GALNTL6: variants seen among roughly 807,000 people sequenced by gnomAD.
GALNTL6 encodes polypeptide N-acetylgalactosaminyltransferase like 6.
A neutral mutation model predicts 73.7 loss-of-function variants in GALNTL6; 46 were observed. The ratio of observed to expected loss-of-function variants is 0.62; its 90% CI spans 0.49 to 0.80. The LOEUF is 0.80. Among genes scored for constraint, GALNTL6 ranks in the 30% least tolerant of loss-of-function variants. GALNTL6 has a pLI of 0.00. For synonymous variants in GALNTL6, 259 were observed against 263.7 expected, an observed-to-expected ratio of 0.98 and a Z score of 0.17; for missense variants, 604 against 755.0, an observed-to-expected ratio of 0.80 and a Z score of 2.34.
At chr4:172,332,896 C>G (rs1741180181) in intron 4 of GALNTL6, among the ~76,000 whole-genome samples, 1 of 152,142 alleles carries the variant, frequency 6.6e-6, no homozygotes, top group African/African-American at 2.4e-5. Flanking sequence ...TCCATGCTGA[C>G]TATACTAGTT....
intron 5 of GALNTL6, among the ~76,000 whole-genome samples, chr4:172,574,939 TACACACACAC>T (rs33997885): frequency 3.3e-5 from 5 of 150,148 alleles, no homozygotes; most frequent in East Asian, 2.0e-4. Context: ...CACGCACACA[TACACACACAC>T]ACACACACAC....
intron 2 of GALNTL6, among the ~76,000 whole-genome samples, chr4:172,155,054 G>A (rs960794276): frequency 2.6e-5 from 4 of 151,260 alleles, no homozygotes; most frequent in African/African-American, 9.7e-5. Context: ...CTGGAGTGCA[G>A]TGGCACAATC....
At chr4:172,117,916 G>C (rs1029627100) in intron 2 of GALNTL6, among the ~76,000 whole-genome samples, 3 of 152,100 alleles carry the variant, frequency 2.0e-5, no homozygotes, top group South Asian at 2.1e-4. Flanking sequence ...AGGGGGAATG[G>C]TGAAAATTGA....
At chr4:173,021,134 T>C (rs1561090908) in intron 11 of GALNTL6, among the ~76,000 whole-genome samples, 1 of 152,060 alleles carries the variant, frequency 6.6e-6, no homozygotes, top group Non-Finnish European at 1.5e-5. Context: ...CTCCCCTCTG[T>C]CTTTCCTCCC....
intron 5 of GALNTL6, among the ~76,000 whole-genome samples, chr4:172,739,678 A>G (rs1207400339): frequency 3.3e-5 from 5 of 152,174 alleles, no homozygotes; most frequent in Non-Finnish European, 5.9e-5. Flanking sequence ...AGAACAATCC[A>G]TTTTAGATCT....
chr4:172,733,625 C>T (rs1736279615), intron 5 of GALNTL6, among the ~76,000 whole-genome samples: 1 of 152,152 alleles, frequency 6.6e-6, no homozygotes, highest in African/African-American at 2.4e-5. Context: ...GAATAAGTCT[C>T]ATAAGGTCTG....
chr4:172,281,009 A>G (rs1299646730), intron 3 of GALNTL6, among the ~76,000 whole-genome samples: 3 of 151,704 alleles, frequency 2.0e-5, no homozygotes, highest in Admixed American at 2.0e-4. Flanking sequence ...AAAATACAAA[A>G]AAAAAAAAAA....
At chr4:172,453,811 C>A (rs1426242380) in intron 5 of GALNTL6, among the ~76,000 whole-genome samples, 1 of 152,256 alleles carries the variant, frequency 6.6e-6, no homozygotes, top group East Asian at 1.9e-4. Context: ...ATTCAACAGG[C>A]CACTGCGACA....
rs1410987969 is a variant in GALNTL6 at position 172,371,762 on chromosome 4, G to T, written c.553+23073G>T. ...CTTTGTCTCTCTCTTTCTTTCTACTGGTCTTTCCCTGCCTCTGCCAGCTGC... is the reference window on the plus strand; with the variant it reads ...CTTTGTCTCTCTCTTTCTTTCTACTTGTCTTTCCCTGCCTCTGCCAGCTGC... On this transcript the variant is annotated intron_variant, in intron 5 of 12. Transcript: ENST00000506823. 3.3e-5 allele frequency among the ~76,000 whole-genome samples: 5 copies of T among 151,054 alleles called. No homozygotes were observed. The East Asian group carries it at 9.8e-4, about 30-fold the overall frequency.
intron 5 of GALNTL6, among the ~76,000 whole-genome samples, chr4:172,462,455 CA>C (rs951200519): frequency 1.2e-4 from 18 of 151,978 alleles, no homozygotes; most frequent in Admixed American, 1.2e-3. Context: ...AAAACAAAAT[CA>C]AAAACAGATA....
At position 172,212,441 on chromosome 4, in the gene GALNTL6, G is replaced by A. The variant is rs1304448167; in HGVS notation, c.139-17215G>A. On this transcript the variant is annotated intron_variant, in intron 2 of 12. Coordinates refer to ENST00000506823, the MANE Select transcript of GALNTL6 (RefSeq NM_001034845.3). Reference sequence around the variant, plus strand: ...CCCAAAGCGCTCAGATTAGAGGCATGAGTTACCTCGCCCAGCCAATGATTA... The same window carrying A: ...CCCAAAGCGCTCAGATTAGAGGCATAAGTTACCTCGCCCAGCCAATGATTA... Among the ~76,000 whole-genome samples, 10 of 152,272 alleles carry A rather than the reference G, an allele frequency of 6.6e-5. No homozygotes were observed. In the East Asian group the frequency reaches 9.7e-4, roughly 15 times the overall value.
chr4:172,526,733 A>T (rs1734970499), intron 5 of GALNTL6, among the ~76,000 whole-genome samples: 1 of 152,074 alleles, frequency 6.6e-6, no homozygotes. Context: ...TACTTCTTAG[A>T]TCCTTTACCT....
chr4:172,106,727 A>G (rs1732684757), intron 2 of GALNTL6, among the ~76,000 whole-genome samples: 1 of 152,220 alleles, frequency 6.6e-6, no homozygotes, highest in Non-Finnish European at 1.5e-5. Context: ...TGATCTCTCC[A>G]ACTAAAATCA....
intron 2 of GALNTL6, among the ~76,000 whole-genome samples, chr4:171,980,720 A>C (rs1739870455): frequency 6.6e-6 from 1 of 152,196 alleles, no homozygotes; most frequent in South Asian, 2.1e-4. Flanking sequence ...TCTGAAGTTG[A>C]CATCTGCCTA....
At chr4:172,048,570 C>T (rs1742282320) in intron 2 of GALNTL6, among the ~76,000 whole-genome samples, 1 of 151,946 alleles carries the variant, frequency 6.6e-6, no homozygotes, top group Admixed American at 6.6e-5. Flanking sequence ...GGACCATTTC[C>T]CATGAACTTG....
chr4:172,481,631 GTA>G (rs1733478995), intron 5 of GALNTL6, among the ~76,000 whole-genome samples: 3 of 152,130 alleles, frequency 2.0e-5, no homozygotes, highest in African/African-American at 7.2e-5. Context: ...GTGCTGATTG[GTA>G]TATTTACAAT....
At chr4:172,396,197 C>T (rs1034424037) in intron 5 of GALNTL6, among the ~76,000 whole-genome samples, 9 of 152,154 alleles carry the variant, frequency 5.9e-5, no homozygotes, top group Non-Finnish European at 1.2e-4. Flanking sequence ...CTGAGCCCTT[C>T]CTCGGGCAGT....
At chr4:172,813,872 T>A (rs759859196) in intron 7 of GALNTL6, 149 bp downstream of exon 7, 9 of 556,692 alleles carry the variant, frequency 1.6e-5, no homozygotes, top group Non-Finnish European at 2.5e-5. Context: ...AGGTCAGACC[T>A]ACACCCTGTA....
intron 2 of GALNTL6, among the ~76,000 whole-genome samples, chr4:171,937,686 C>T (rs765074504): frequency 6.6e-6 from 1 of 152,108 alleles, no homozygotes; most frequent in Non-Finnish European, 1.5e-5. Context: ...AACAGTTTCA[C>T]ACCTTCTGAT....
Sources: allele counts gnomAD v4.1 joint callset (sites outside exome capture counted in the v4.1 genomes callset), GRCh38; gene constraint gnomAD v4.1.1; transcripts MANE v1.5; gene names NCBI Gene and HGNC (gene_info 2026-07-23, HGNC 2026-07-21).